The following GSTA4 variants were observed in gnomAD, a reference collection of about 807,000 sequenced individuals.
GSTA4 encodes the protein glutathione S-transferase A4.
A neutral mutation model predicts 24.4 loss-of-function variants in GSTA4; 15 were observed. The ratio of observed to expected loss-of-function variants is 0.61; its 90% CI spans 0.41 to 0.95. GSTA4 has a LOEUF of 0.95. Among genes scored for constraint, GSTA4 ranks in the 40% least tolerant of loss-of-function variants. The pLI, the probability that GSTA4 is intolerant of heterozygous loss-of-function variation, is 0.00. For missense variants in GSTA4, 244 were observed against 262.1 expected, an observed-to-expected ratio of 0.93 and a Z score of 0.48; for synonymous variants, 92 against 94.2, an observed-to-expected ratio of 0.98 and a Z score of 0.13.
At position 52,985,436 on chromosome 6, in the gene GSTA4, G is replaced by A. The variant is rs761885771; in HGVS notation, c.272+15C>T. 46 of 1,611,236 alleles carry A rather than the reference G, an allele frequency of 2.9e-5. No individual in the cohort carries two copies. The highest frequency in any genetic ancestry group is 3.9e-5 in the Non-Finnish European group (46 of 1,178,658). On this transcript the variant is annotated intron_variant, in intron 4 of 6. Transcript: ENST00000370963. ...TAAGCTGACAAGTGACAACACTCGAGAGGGGCCACAGTACAGGGTTCTCTC... is the reference window on the plus strand; with the variant it reads ...TAAGCTGACAAGTGACAACACTCGAAAGGGGCCACAGTACAGGGTTCTCTC...
At chr6:52,988,929 C>T (rs1429197422) in intron 2 of GSTA4, among the ~76,000 whole-genome samples, 1 of 152,072 alleles carries the variant, frequency 6.6e-6, no homozygotes, top group Non-Finnish European at 1.5e-5. Flanking sequence ...TAAAATGAGG[C>T]TGAGACCTAC....
chr6:52,985,637 C>T, intron 3 of GSTA4, 54 bp from the exon 4 acceptor site: 1 of 1,584,482 alleles, frequency 6.3e-7, no homozygotes, highest in Non-Finnish European at 8.6e-7. Flanking sequence ...GTCCCCCAAC[C>T]CCTAAAAAAT....
At chr6:52,992,421 G>A (rs1015088801) in intron 2 of GSTA4, among the ~76,000 whole-genome samples, 2 of 152,160 alleles carry the variant, frequency 1.3e-5, no homozygotes, top group Admixed American at 6.5e-5. Flanking sequence ...TTTGAATGTG[G>A]GCTGGACTTC....
At position 52,984,590 on chromosome 6, in the gene GSTA4, C is replaced by G; in HGVS notation, c.288G>C (p.Val96=). The change falls in exon 5 of 7, where the codon GTG becomes GTC. Residue 96 remains valine (V), a synonymous_variant. Transcript: ENST00000370963. ...LKERTLIDMY[V]EGTLDLLELL... ...GTTCCAGCAGATCCAGTGTCCCCTCCACGTACATGTCAATCCTTAAAACAA... is the reference window on the plus strand; with the variant it reads ...GTTCCAGCAGATCCAGTGTCCCCTCGACGTACATGTCAATCCTTAAAACAA... 6.2e-7 allele frequency: 1 copy of G among 1,613,406 alleles called. No individual in the cohort carries two copies. The highest frequency in any genetic ancestry group is 8.5e-7 in the Non-Finnish European group (1 of 1,179,672).
At chr6:52,983,953 A>G (rs1177500205) in intron 5 of GSTA4, among the ~76,000 whole-genome samples, 1 of 152,210 alleles carries the variant, frequency 6.6e-6, no homozygotes, top group East Asian at 1.9e-4. Flanking sequence ...CCAGTTCAGG[A>G]ATAAAGAATT....
chr6:52,978,332 CGT>C lies in GSTA4; in HGVS notation c.*136_*137del. On this transcript the variant is annotated 3_prime_UTR_variant, in exon 7 of 7. Coordinates refer to ENST00000370963, the MANE Select transcript of GSTA4 (RefSeq NM_001512.4). ...TTGATATTTCTAGAAGAGATGATCT[CGT>C]TGACACAAAAGACCCAACTTAGGAC... 1 of 792,092 alleles carries C rather than the reference CGT, an allele frequency of 1.3e-6. No homozygotes were observed. Among genetic ancestry groups the C allele is most frequent in the East Asian group, 2.7e-5 (1 of 36,820 alleles). The allele number at this position is 792,092 out of a possible 1,614,324, so 49.1% of individuals were successfully genotyped here. A position where few individuals can be genotyped will look rare whatever the true frequency, so the allele number is the denominator to read the frequency against.
At chr6:52,984,715 T>G in intron 4 of GSTA4, 110 bp from the exon 5 acceptor site, 1 of 904,676 alleles carries the variant, frequency 1.1e-6, no homozygotes, top group South Asian at 1.5e-5. Context: ...TGCTGCAACT[T>G]AAGTCCCTAG....
At chr6:52,993,445 A>T (rs72932942) in intron 2 of GSTA4, among the ~76,000 whole-genome samples, 4,891 of 152,318 alleles carry the variant, frequency 0.032, 136 homozygotes, top group Non-Finnish European at 0.043. Flanking sequence ...TGAGACAATC[A>T]GACTGAAGGT....
rs190779215 is a variant in GSTA4 at position 52,987,254 on chromosome 6, T to C, written c.139+103A>G. On this transcript the variant is annotated intron_variant, in intron 3 of 6. Transcript: ENST00000370963. ...TGCTTTTTTTGGTTTTAGGATACTG[T>C]TCTGAATGTTCAGTGTCATTGAATA... 6.4e-4 allele frequency: 478 copies of C among 752,510 alleles called. 3 individuals are homozygous for C. The East Asian group carries it at 9.1e-3, about 14-fold the overall frequency. 46.6% of individuals were successfully genotyped at this position (752,510 alleles called of 1,614,324 possible).
chr6:52,983,675 C>A (rs1359721875), intron 5 of GSTA4, among the ~76,000 whole-genome samples: 1 of 152,208 alleles, frequency 6.6e-6, no homozygotes. Context: ...GCCCTTGGGA[C>A]CTAAGAATGA....
Position 52,978,345 on chromosome 6 carries a change from G to T in GSTA4, c.*125C>A. ...AAGAGATGATCTCGTTGACACAAAA[G>T]ACCCAACTTAGGACCCAACTTAATA... On this transcript the variant is annotated 3_prime_UTR_variant, in exon 7 of 7. Transcript: ENST00000370963. 1 of 896,890 alleles carries T rather than the reference G, an allele frequency of 1.1e-6. No homozygotes were observed. Among genetic ancestry groups the T allele is most frequent in the South Asian group, 1.6e-5 (1 of 62,852 alleles). 55.6% of individuals were successfully genotyped at this position (896,890 alleles called of 1,614,324 possible).
chr6:52,990,239 G>A (rs951286506), intron 2 of GSTA4, among the ~76,000 whole-genome samples: 1 of 152,190 alleles, frequency 6.6e-6, no homozygotes, highest in African/African-American at 2.4e-5. Flanking sequence ...ATTAGAAAAG[G>A]CTGTTTTTCA....
intron 5 of GSTA4, among the ~76,000 whole-genome samples, chr6:52,983,813 AG>A (rs1435833182): frequency 1.3e-5 from 2 of 152,202 alleles, no homozygotes; most frequent in Non-Finnish European, 2.9e-5. Context: ...CAGAAACCCC[AG>A]AAAATACCTC....
intron 2 of GSTA4, among the ~76,000 whole-genome samples, chr6:52,993,007 G>T (rs1763693081): frequency 6.6e-6 from 1 of 152,100 alleles, no homozygotes; most frequent in South Asian, 2.1e-4. Flanking sequence ...GTAGGCTGAG[G>T]CAGGGGAATT....
intron 6 of GSTA4, among the ~76,000 whole-genome samples, chr6:52,981,126 AT>A (rs201403034): frequency 5.0e-4 from 76 of 152,344 alleles, no homozygotes; most frequent in Non-Finnish European, 9.4e-4. Context: ...TGAAAAAAAA[AT>A]ATAAACTATA....
At chr6:52,994,068 A>AG in intron 2 of GSTA4, 89 bp downstream of exon 2, 1 of 884,240 alleles carries the variant, frequency 1.1e-6, no homozygotes, top group Non-Finnish European at 1.9e-6. Context: ...GACGAGAACT[A>AG]GAACTGAACG....
intron 6 of GSTA4, among the ~76,000 whole-genome samples, chr6:52,981,931 G>C (rs1330540880): frequency 6.6e-6 from 1 of 152,214 alleles, no homozygotes; most frequent in Non-Finnish European, 1.5e-5. Flanking sequence ...ATTCTCAGAA[G>C]GAGAATGGTA....
At chr6:52,988,701 G>C (rs755917054) in intron 2 of GSTA4, among the ~76,000 whole-genome samples, 3 of 152,136 alleles carry the variant, frequency 2.0e-5, no homozygotes, top group Admixed American at 6.5e-5. Context: ...TCAGAGGAGA[G>C]GAAACTGTTA....
intron 2 of GSTA4, among the ~76,000 whole-genome samples, chr6:52,991,859 C>T (rs767691647): frequency 3.3e-5 from 5 of 150,104 alleles, no homozygotes; most frequent in African/African-American, 7.5e-5. Context: ...CCAGTTCAAG[C>T]GATTCTCCTG....
Sources: allele counts gnomAD v4.1 joint callset (sites outside exome capture counted in the v4.1 genomes callset), GRCh38; gene constraint gnomAD v4.1.1; transcripts MANE v1.5; gene names NCBI Gene and HGNC (gene_info 2026-07-23, HGNC 2026-07-21).